The following LARGE1 variants were observed in gnomAD, a reference collection of about 807,000 sequenced individuals.
The protein encoded by LARGE1 is LARGE xylosyl- and glucuronyltransferase 1.
LARGE1 carries 43 observed loss-of-function variants against 87.6 expected under a neutral mutation model. The ratio of observed to expected loss-of-function variants is 0.49; its 90% CI spans 0.38 to 0.63. The LOEUF is 0.63. Among genes scored for constraint, LARGE1 ranks in the 30% least tolerant of loss-of-function variants. The pLI, the probability that LARGE1 is intolerant of heterozygous loss-of-function variation, is 0.00. For missense variants in LARGE1, 802 were observed against 1,000.2 expected (o/e 0.80, Z 2.67); for synonymous variants, 434 against 394.6 (o/e 1.10, Z -1.18).
chr22:33,330,110 T>G (rs184050560), intron 10 of LARGE1, among the ~76,000 whole-genome samples: 87 of 152,186 alleles, frequency 5.7e-4, no homozygotes, highest in Non-Finnish European at 3.7e-4. Flanking sequence ...GGTAGAACAA[T>G]TTAGCATCTG....
At chr22:33,067,497 T>A in the LARGE1 span, among the ~76,000 whole-genome samples, 1 of 152,124 alleles carries the variant, frequency 6.6e-6, no homozygotes, top group African/African-American at 2.4e-5. Context: ...TAACCTTTAT[T>A]TTCTTATTGA....
At chr22:33,651,321 G>A (rs2080804377) in intron 2 of LARGE1, among the ~76,000 whole-genome samples, 1 of 147,206 alleles carries the variant, frequency 6.8e-6, no homozygotes, top group Non-Finnish European at 1.5e-5. Context: ...GAACCCGGGA[G>A]GCGGAGCTTG....
In LARGE1 at chr22:33,513,812, T is replaced by TACACACACACACACAC. The variant is rs56262022; in HGVS notation, c.787+51020_787+51035dup. Among the ~76,000 whole-genome samples, 526 of 143,262 alleles carry TACACACACACACACAC rather than the reference T, an allele frequency of 3.7e-3. 2 individuals carry two copies. Among genetic ancestry groups the TACACACACACACACAC allele is most frequent in the Middle Eastern group, 7.2e-3 (2 of 276 alleles). 94.0% of individuals were successfully genotyped at this position (143,262 alleles called of 152,430 possible). ...AGCTCTAGAGACTTAAGAGCTGATG[T>TACACACACACACACAC]ACACACACACACACACACACACACA... On this transcript the variant is annotated intron_variant, in intron 6 of 14. Coordinates refer to ENST00000397394, the MANE Select transcript of LARGE1 (RefSeq NM_133642.5).
chr22:33,175,761 A>T (rs908202411), intron 11 of LARGE1, among the ~76,000 whole-genome samples: 1 of 152,234 alleles, frequency 6.6e-6, no homozygotes, highest in Non-Finnish European at 1.5e-5. Context: ...TGCTATCCCC[A>T]TCAAGTTACC....
At chr22:33,709,322 C>G (rs554824231) in intron 2 of LARGE1, among the ~76,000 whole-genome samples, 1 of 152,182 alleles carries the variant, frequency 6.6e-6, no homozygotes, top group African/African-American at 2.4e-5. Flanking sequence ...GGTGCCTAGA[C>G]CTGTGAGGTT....
exon 12 of LARGE1, chr22:33,164,288 A>G (rs957711687): frequency 1.3e-5 from 2 of 152,126 alleles, no homozygotes; most frequent in African/African-American, 4.8e-5. Context: ...ACTCTTCAGA[A>G]ATGTCAAGGT....
At position 33,761,544 on chromosome 22, in the gene LARGE1, C is replaced by T; in HGVS notation, c.-68G>A. 2 of 1,190,186 alleles carry T rather than the reference C, an allele frequency of 1.7e-6. No individual in the cohort carries two copies. Among genetic ancestry groups the T allele is most frequent in the East Asian group, 2.3e-5 (1 of 42,574 alleles). The allele number at this position is 1,190,186 out of a possible 1,614,324, so 73.7% of individuals were successfully genotyped here. A position where few individuals can be genotyped will look rare whatever the true frequency, so the allele number is the denominator to read the frequency against. ...GTCCGGAGCATGAAGTCCTCGGCCT[C>T]CCTCATAATACTCTCTGAAAGGAAG... On this transcript the variant is annotated 5_prime_UTR_variant, in exon 2 of 15. Transcript: ENST00000397394.
At chr22:33,845,081 T>C (rs2063391817) in intron 1 of LARGE1, among the ~76,000 whole-genome samples, 1 of 152,020 alleles carries the variant, frequency 6.6e-6, no homozygotes, top group Admixed American at 6.6e-5. Flanking sequence ...TTCCGGGAAA[T>C]GCAAAGATCT....
chr22:33,603,413 T>G (rs958123474), intron 5 of LARGE1, among the ~76,000 whole-genome samples: 2 of 152,216 alleles, frequency 1.3e-5, no homozygotes, highest in African/African-American at 2.4e-5. Context: ...GTACCTACTA[T>G]GCACCAGAAA....
chr22:33,777,395 C>T (rs374346986), intron 1 of LARGE1, among the ~76,000 whole-genome samples: 164 of 152,058 alleles, frequency 1.1e-3, no homozygotes, highest in African/African-American at 3.8e-3. Context: ...CCCAGCACTT[C>T]GGGAGGCTGA....
At chr22:33,503,086 T>A (rs1602144523) in intron 6 of LARGE1, among the ~76,000 whole-genome samples, 1 of 151,842 alleles carries the variant, frequency 6.6e-6, no homozygotes, top group South Asian at 2.1e-4. Context: ...TGCAAGGAGG[T>A]CCAAAACCAC....
At chr22:33,766,935 T>TATATATATAC (rs2084923714) in intron 1 of LARGE1, among the ~76,000 whole-genome samples, 1 of 24,852 alleles carries the variant, frequency 4.0e-5, no homozygotes, top group Admixed American at 6.0e-4. Flanking sequence ...TATATATATA[T>TATATATATAC]ATATATATAT....
intron 2 of LARGE1, among the ~76,000 whole-genome samples, chr22:33,753,200 T>A (rs180799041): frequency 6.6e-6 from 1 of 152,036 alleles, no homozygotes; most frequent in East Asian, 1.9e-4. Flanking sequence ...AGCCTGGTGA[T>A]AGAGCAAGAC....
chr22:33,911,238 A>G (rs1350841261), intron 1 of LARGE1, among the ~76,000 whole-genome samples: 1 of 151,748 alleles, frequency 6.6e-6, no homozygotes, highest in Non-Finnish European at 1.5e-5. Flanking sequence ...AATCATCTTG[A>G]CCTCCCTTAG....
At chr22:33,511,136 G>C (rs1053518171) in intron 6 of LARGE1, among the ~76,000 whole-genome samples, 4 of 152,170 alleles carry the variant, frequency 2.6e-5, no homozygotes, top group African/African-American at 9.7e-5. Context: ...CCTCCCATTT[G>C]GACAGATGTT....
the LARGE1 span, chr22:33,109,010 T>C: frequency 6.6e-6 from 1 of 152,144 alleles, no homozygotes; most frequent in Admixed American, 6.5e-5. Context: ...GTGGAAAGGA[T>C]TTAATAAAAT....
At chr22:33,838,734 G>A (rs1019755458) in intron 1 of LARGE1, among the ~76,000 whole-genome samples, 2 of 152,218 alleles carry the variant, frequency 1.3e-5, no homozygotes, top group Non-Finnish European at 2.9e-5. Context: ...TACTGGTGGG[G>A]AGTTCCAGAG....
At chr22:33,355,315 G>C (rs527519138) in intron 9 of LARGE1, among the ~76,000 whole-genome samples, 22 of 152,308 alleles carry the variant, frequency 1.4e-4, no homozygotes, top group African/African-American at 4.6e-4. Context: ...TGTATCCCCT[G>C]TTTGTAAGGC....
intron 7 of LARGE1, among the ~76,000 whole-genome samples, chr22:33,409,582 T>C (rs2066231533): frequency 6.6e-6 from 1 of 151,336 alleles, no homozygotes; most frequent in South Asian, 2.1e-4. Context: ...TGTGACATTA[T>C]GCACAGTTAA....
Sources: allele counts gnomAD v4.1 joint callset (sites outside exome capture counted in the v4.1 genomes callset), GRCh38; gene constraint gnomAD v4.1.1; transcripts MANE v1.5; gene names NCBI Gene and HGNC (gene_info 2026-07-23, HGNC 2026-07-21).